Variants in PAPPA observed in about 807,000 individuals in gnomAD.
The protein encoded by PAPPA is pappalysin 1.
A neutral mutation model predicts 164.0 loss-of-function variants in PAPPA; 60 were observed. The observed-to-expected ratio is 0.37, with a 90% confidence interval of 0.30 to 0.45. The LOEUF (loss-of-function observed/expected upper bound fraction) is 0.45, where lower values mean the gene tolerates loss of function less well. PAPPA is among the 20% of genes least tolerant of loss of function. The pLI, the probability that PAPPA is intolerant of heterozygous loss-of-function variation, is 1.00. For synonymous variants in PAPPA, 875 were observed against 814.1 expected (o/e 1.07, Z -1.27); for missense variants, 1,782 against 2,087.3 (o/e 0.85, Z 2.85).
chr9:116,321,991 C>T (rs549392836), intron 10 of PAPPA, among the ~76,000 whole-genome samples: 20 of 152,280 alleles, frequency 1.3e-4, no homozygotes, highest in African/African-American at 4.8e-4. Flanking sequence ...ACTGCTAAGC[C>T]GTGGCAGGCT....
At chr9:116,167,661 GT>G (rs1208115342) in intron 1 of PAPPA, among the ~76,000 whole-genome samples, 28 of 152,146 alleles carry the variant, frequency 1.8e-4, no homozygotes, top group Admixed American at 1.7e-3. Flanking sequence ...TGAATATGGG[GT>G]TTTGAATAGA....
chr9:116,277,791 G>A (rs10114003), intron 9 of PAPPA, among the ~76,000 whole-genome samples: 40 of 151,826 alleles, frequency 2.6e-4, no homozygotes, highest in African/African-American at 8.7e-4. Context: ...ATTCTCCTAC[G>A]TCAGCCTCCT....
chr9:116,178,043 C>G (rs1717279972), intron 1 of PAPPA, among the ~76,000 whole-genome samples: 1 of 151,910 alleles, frequency 6.6e-6, no homozygotes, highest in African/African-American at 2.4e-5. Context: ...TGTTTAACAG[C>G]ACAAAAAGGG....
chr9:116,246,170 T>C (rs1844794542), intron 7 of PAPPA, among the ~76,000 whole-genome samples: 1 of 152,100 alleles, frequency 6.6e-6, no homozygotes, highest in African/African-American at 2.4e-5. Context: ...ATGTAATAGG[T>C]CTTTACAATG....
intron 7 of PAPPA, among the ~76,000 whole-genome samples, chr9:116,247,825 G>A (rs1270680696): frequency 6.6e-6 from 1 of 152,100 alleles, no homozygotes; most frequent in Non-Finnish European, 1.5e-5. Context: ...TGCTGAATTT[G>A]GAATCAAGAG....
chr9:116,210,326 C>T (rs1844291100), intron 3 of PAPPA, among the ~76,000 whole-genome samples: 1 of 152,134 alleles, frequency 6.6e-6, no homozygotes, highest in African/African-American at 2.4e-5. Context: ...AGTCCTTCTT[C>T]AAAATCAGAG....
At chr9:116,218,338 T>C (rs1844401605) in intron 4 of PAPPA, among the ~76,000 whole-genome samples, 1 of 152,160 alleles carries the variant, frequency 6.6e-6, no homozygotes, top group African/African-American at 2.4e-5. Context: ...TTAATGTTTG[T>C]TTGATAAGAA....
chr9:116,198,410 C>T (rs1482207799), intron 2 of PAPPA, among the ~76,000 whole-genome samples: 1 of 152,200 alleles, frequency 6.6e-6, no homozygotes, highest in Non-Finnish European at 1.5e-5. Context: ...AGTGACTATT[C>T]ATCCAATAGT....
At chr9:116,319,367 G>A (rs540288329) in intron 10 of PAPPA, among the ~76,000 whole-genome samples, 1 of 152,314 alleles carries the variant, frequency 6.6e-6, no homozygotes, top group Non-Finnish European at 1.5e-5. Context: ...AAGGGACTCG[G>A]CCCAATGCCT....
intron 4 of PAPPA, among the ~76,000 whole-genome samples, chr9:116,219,713 C>A (rs1447760587): frequency 2.0e-5 from 3 of 152,146 alleles, no homozygotes; most frequent in Non-Finnish European, 4.4e-5. Context: ...TCAGTTACAT[C>A]CACCCTTCCC....
intron 9 of PAPPA, among the ~76,000 whole-genome samples, chr9:116,281,461 A>G (rs928628213): frequency 6.6e-6 from 1 of 152,140 alleles, no homozygotes; most frequent in African/African-American, 2.4e-5. Context: ...TCGTGTCCCA[A>G]CATCCAGCTC....
In PAPPA at chr9:116,271,488, C is replaced by T. The variant is rs1416405590; in HGVS notation, c.2953+72C>T. 2.9e-6 allele frequency: 3 copies of T among 1,036,078 alleles called. No homozygotes were observed. The highest frequency in any genetic ancestry group is 3.1e-5 in the African/African-American group (2 of 63,872). 64.2% of individuals were successfully genotyped at this position (1,036,078 alleles called of 1,614,324 possible). A position where few individuals can be genotyped will look rare whatever the true frequency, so the allele number is the denominator to read the frequency against. On this transcript the variant is annotated intron_variant, in intron 9 of 21. Coordinates refer to ENST00000328252, the MANE Select transcript of PAPPA (RefSeq NM_002581.5). The surrounding 1 kb of genome is among the most constrained non-coding windows in gnomAD (Gnocchi z 4.2). ...GCAGAATGGTTGGTCAATGATAATG[C>T]CAACAATAGTTATGACTAAATGATG...
Position 116,290,658 on chromosome 9 carries a change from T to G in PAPPA, c.2954-12099T>G, listed in dbSNP as rs190433470. Among the ~76,000 whole-genome samples, 39 of 152,140 alleles carry G rather than the reference T, an allele frequency of 2.6e-4. No individual in the cohort carries two copies. In the East Asian group the frequency reaches 7.6e-3, roughly 29 times the overall value. On this transcript the variant is annotated intron_variant, in intron 9 of 21. Coordinates refer to ENST00000328252, the MANE Select transcript of PAPPA (RefSeq NM_002581.5). ...GAGAAAGTGTCTCATATTTTCTCTC[T>G]TTTCTTTCTCTCTCTCTCTTTCTTT...
At chr9:116,217,065 A>G (rs2118697579) in intron 4 of PAPPA, among the ~76,000 whole-genome samples, 1 of 152,260 alleles carries the variant, frequency 6.6e-6, no homozygotes, top group East Asian at 1.9e-4. Context: ...AAGTTCAAAT[A>G]CATTCCTGTC....
intron 10 of PAPPA, 146 bp from the exon 11 acceptor site, chr9:116,331,098 T>C: frequency 1.6e-6 from 1 of 608,696 alleles, no homozygotes; most frequent in Non-Finnish European, 2.9e-6. Context: ...TGTGAGCTCC[T>C]GGACCAGATT....
rs11377 is a variant in PAPPA at position 116,154,487 on chromosome 9, G to C, written c.315G>C (p.Gln105His). 7.6e-7 allele frequency: 1 copy of C among 1,311,522 alleles called. No individual in the cohort carries two copies. Among genetic ancestry groups the C allele is most frequent in the Non-Finnish European group, 9.7e-7 (1 of 1,028,634 alleles). 81.2% of individuals were successfully genotyped at this position (1,311,522 alleles called of 1,614,324 possible). The change falls in exon 1 of 22, where the codon CAG (glutamine) becomes CAC (histidine). Residue 105 changes from glutamine (Q) to histidine (H), a missense_variant. Physicochemically the swap from Gln to His is conservative, Grantham distance 24 (BLOSUM62 0). Transcript: ENST00000328252. The surrounding 1 kb of genome is among the most constrained non-coding windows in gnomAD (Gnocchi z 5.2). ...RALYFSGRGE[Q>H]LRLRADLELP... ...TCTATTTCAGCGGGCGAGGCGAGCAGCTGCGCCTCCGGGCCGACCTCGAGC... is the reference window on the plus strand; with the variant it reads ...TCTATTTCAGCGGGCGAGGCGAGCACCTGCGCCTCCGGGCCGACCTCGAGC...
At chr9:116,375,834 G>A (rs1177322712) in intron 19 of PAPPA, among the ~76,000 whole-genome samples, 4 of 152,036 alleles carry the variant, frequency 2.6e-5, no homozygotes, top group African/African-American at 9.7e-5. Flanking sequence ...TTAATCAACT[G>A]GCCTCTCAGT....
intron 13 of PAPPA, among the ~76,000 whole-genome samples, chr9:116,341,341 C>T (rs1588011604): frequency 6.6e-6 from 1 of 152,058 alleles, no homozygotes; most frequent in African/African-American, 2.4e-5. Context: ...CACCCGACCT[C>T]AAAGCATTTC....
chr9:116,283,208 G>A (rs1476722355), intron 9 of PAPPA, among the ~76,000 whole-genome samples: 1 of 152,162 alleles, frequency 6.6e-6, no homozygotes, highest in East Asian at 1.9e-4. Context: ...GCAATGCAGG[G>A]TTAAGCAGCA....
Sources: gnomAD v4.1 joint callset for allele counts (sites outside exome capture counted in the v4.1 genomes callset) on GRCh38, gnomAD v4.1.1 for gene constraint, Gnocchi (gnomAD v3.1) non-coding constraint, MANE v1.5 for transcripts, NCBI Gene and HGNC (gene_info 2026-07-23, HGNC 2026-07-21) for gene names.